Variants in USP6NL observed in about 807,000 individuals in gnomAD.
USP6NL encodes USP6 N-terminal like.
USP6NL carries 26 observed loss-of-function variants against 61.9 expected under a neutral mutation model. That is an observed-to-expected ratio of 0.42 (90% CI 0.31 to 0.58). USP6NL has a LOEUF of 0.58. Among genes scored for constraint, USP6NL ranks in the 20% least tolerant of loss-of-function variants. The probability of loss-of-function intolerance (pLI) is 0.16; values close to 1 mark genes in which losing one functional copy is unlikely to be tolerated. For missense variants in USP6NL, 1,114 were observed against 1,034.3 expected, an observed-to-expected ratio of 1.08 and a Z score of -1.06; for synonymous variants, 432 against 390.1, an observed-to-expected ratio of 1.11 and a Z score of -1.27.
Position 11,509,033 on chromosome 10 carries a change from G to A in USP6NL, c.276+562C>T, listed in dbSNP as rs540680964. On this transcript the variant is annotated intron_variant, in intron 6 of 14. Transcript: ENST00000609104. ...TGTTTAAAGACTTTTCTGATGAGAC[G>A]CATGGTGATATTAATATATGTATGT... is the stretch of plus-strand genomic sequence containing the variant. Among the ~76,000 whole-genome samples, 18 of 152,234 alleles carry A rather than the reference G, an allele frequency of 1.2e-4. No individual in the cohort carries two copies. The East Asian group carries it at 2.5e-3, about 21-fold the overall frequency.
At chr10:11,586,638 G>A (rs560673077) in intron 2 of USP6NL, among the ~76,000 whole-genome samples, 4 of 151,992 alleles carry the variant, frequency 2.6e-5, no homozygotes, top group African/African-American at 7.3e-5. Context: ...ACATAGTGAG[G>A]TTACCAGTAA....
chr10:11,515,819 C>A (rs1180261972), intron 5 of USP6NL, among the ~76,000 whole-genome samples: 1 of 152,078 alleles, frequency 6.6e-6, no homozygotes, highest in Non-Finnish European at 1.5e-5. Flanking sequence ...CAGAAGAAGA[C>A]AAGAAGTACA....
chr10:11,578,496 C>T (rs1837632049), intron 2 of USP6NL, among the ~76,000 whole-genome samples: 1 of 152,100 alleles, frequency 6.6e-6, no homozygotes, highest in Non-Finnish European at 1.5e-5. Flanking sequence ...TCAGGCTACT[C>T]AAGAGGCAAA....
intron 2 of USP6NL, among the ~76,000 whole-genome samples, chr10:11,571,418 T>C (rs1268875193): frequency 6.6e-6 from 1 of 152,156 alleles, no homozygotes; most frequent in African/African-American, 2.4e-5. Flanking sequence ...TCCTTGACTC[T>C]TACTTAGCAT....
intron 2 of USP6NL, among the ~76,000 whole-genome samples, chr10:11,541,349 T>C (rs1836062710): frequency 6.8e-6 from 1 of 147,832 alleles, no homozygotes; most frequent in South Asian, 2.2e-4. Context: ...GTAACCAGCA[T>C]TTATTCTGTA....
At chr10:11,606,475 T>A (rs1306465132) in intron 1 of USP6NL, among the ~76,000 whole-genome samples, 1 of 152,104 alleles carries the variant, frequency 6.6e-6, no homozygotes, top group Non-Finnish European at 1.5e-5. Flanking sequence ...CAGAAATACA[T>A]CTGTGGGGTT....
intron 2 of USP6NL, among the ~76,000 whole-genome samples, chr10:11,550,427 C>T (rs1380623797): frequency 1.3e-5 from 2 of 152,060 alleles, no homozygotes; most frequent in Non-Finnish European, 2.9e-5. Context: ...AAACAAGCAG[C>T]CTGTTTTTTG....
chr10:11,570,200 C>T (rs1437066017), intron 2 of USP6NL, among the ~76,000 whole-genome samples: 2 of 152,206 alleles, frequency 1.3e-5, no homozygotes, highest in South Asian at 4.1e-4. Flanking sequence ...CTTGAGGTTC[C>T]ATGAGCTTGT....
At chr10:11,554,855 A>G (rs917465273) in intron 2 of USP6NL, among the ~76,000 whole-genome samples, 4 of 146,916 alleles carry the variant, frequency 2.7e-5, no homozygotes, top group South Asian at 4.3e-4. Context: ...GCTGGAGTGC[A>G]GTGGTGCGAT....
intron 8 of USP6NL, 34 bp downstream of exon 8, chr10:11,493,085 C>T (rs964658914): frequency 1.8e-5 from 27 of 1,514,734 alleles, no homozygotes; most frequent in Middle Eastern, 1.7e-4. Flanking sequence ...TTTATAAATG[C>T]GATTAACATT....
In USP6NL at chr10:11,478,053, A is replaced by G. The variant is rs1833040377; in HGVS notation, c.1078+3717T>C. Reference sequence around the variant, plus strand: ...TTAGAAAACCTAAGATAACTGATCAAATATATTGGCTACAAAAATATTATT... The same window carrying G: ...TTAGAAAACCTAAGATAACTGATCAGATATATTGGCTACAAAAATATTATT... On this transcript the variant is annotated intron_variant, in intron 14 of 14. Coordinates refer to ENST00000609104, the MANE Select transcript of USP6NL (RefSeq NM_014688.5). The surrounding 1 kb of genome is among the most constrained non-coding windows in gnomAD (Gnocchi z 6.8). Among the ~76,000 whole-genome samples, 1 of 152,260 alleles carries G rather than the reference A, an allele frequency of 6.6e-6. No homozygotes were observed. Among genetic ancestry groups the G allele is most frequent in the South Asian group, 2.1e-4 (1 of 4,836 alleles).
At chr10:11,515,981 T>G (rs776297439) in intron 5 of USP6NL, among the ~76,000 whole-genome samples, 14 of 152,234 alleles carry the variant, frequency 9.2e-5, no homozygotes, top group Non-Finnish European at 1.6e-4. Context: ...TTGCACTACA[T>G]GAAGGGATAG....
At position 11,478,867 on chromosome 10, in the gene USP6NL, T is replaced by C. The variant is rs1401293847; in HGVS notation, c.1078+2903A>G. Reference sequence around the variant, plus strand: ...GCTGCACTGAGCCATGATTGAGCCATCACACTCCAGCCTAGGCAACAGAGT... The same window carrying C: ...GCTGCACTGAGCCATGATTGAGCCACCACACTCCAGCCTAGGCAACAGAGT... On this transcript the variant is annotated intron_variant, in intron 14 of 14. Coordinates refer to ENST00000609104, the MANE Select transcript of USP6NL (RefSeq NM_014688.5). This position sits in a 1 kb window ranked among gnomAD's most constrained non-coding sequence, Gnocchi z 6.8. Among the ~76,000 whole-genome samples the C allele has an allele frequency of 6.6e-6, 1 of 151,330 alleles. No homozygotes were observed. The highest frequency in any genetic ancestry group is 2.4e-5 in the African/African-American group (1 of 41,342).
Position 11,511,488 on chromosome 10 carries a change from T to C in USP6NL, c.196-1813A>G, listed in dbSNP as rs1034748561. On this transcript the variant is annotated intron_variant, in intron 5 of 14. Transcript: ENST00000609104. The surrounding 1 kb of genome is among the most constrained non-coding windows in gnomAD (Gnocchi z 4.9). ...CTCCCCTGACTTCTTCAAAGCATAA[T>C]CCTTTTTTCCACCAACAGGAAAACA... Among the ~76,000 whole-genome samples the C allele has an allele frequency of 2.6e-5, 4 of 152,172 alleles. No homozygotes were observed. Among genetic ancestry groups the C allele is most frequent in the African/African-American group, 7.2e-5 (3 of 41,444 alleles).
In USP6NL at chr10:11,465,118, T is replaced by G. The variant is rs1373472777; in HGVS notation, c.1079-1269A>C. Among the ~76,000 whole-genome samples the G allele has an allele frequency of 6.6e-6, 1 of 152,172 alleles. No individual in the cohort carries two copies. The highest frequency in any genetic ancestry group is 1.5e-5 in the Non-Finnish European group (1 of 68,020). On this transcript the variant is annotated intron_variant, in intron 14 of 14. Transcript: ENST00000609104. This position sits in a 1 kb window ranked among gnomAD's most constrained non-coding sequence, Gnocchi z 4.5. Reference sequence around the variant, plus strand: ...AGGCAAATAATCCCAACAAACACAATTTATCAAGAAGATATAAAGACATGA... The same window carrying G: ...AGGCAAATAATCCCAACAAACACAAGTTATCAAGAAGATATAAAGACATGA...
intron 1 of USP6NL, among the ~76,000 whole-genome samples, chr10:11,599,103 T>TA (rs1459768977): frequency 1.3e-5 from 2 of 152,232 alleles, no homozygotes; most frequent in African/African-American, 4.8e-5. Context: ...TCACAAGAAA[T>TA]ATACTTTCTT....
At chr10:11,494,060 G>T (rs1201384949) in intron 7 of USP6NL, among the ~76,000 whole-genome samples, 1 of 152,200 alleles carries the variant, frequency 6.6e-6, no homozygotes, top group Non-Finnish European at 1.5e-5. Flanking sequence ...CCTGTGAAAG[G>T]CTATATGGAA....
intron 2 of USP6NL, among the ~76,000 whole-genome samples, chr10:11,549,610 A>T (rs938568500): frequency 6.6e-6 from 1 of 152,122 alleles, no homozygotes; most frequent in Non-Finnish European, 1.5e-5. Flanking sequence ...TTTCTTTCTC[A>T]TGAGTATAAG....
At chr10:11,546,130 G>T (rs1182386542) in intron 2 of USP6NL, among the ~76,000 whole-genome samples, 1 of 152,190 alleles carries the variant, frequency 6.6e-6, no homozygotes, top group Non-Finnish European at 1.5e-5. Flanking sequence ...TTTAAGTACT[G>T]AGAAACAGTT....
Sources: allele counts gnomAD v4.1 joint callset (sites outside exome capture counted in the v4.1 genomes callset), GRCh38; gene constraint gnomAD v4.1.1; non-coding constraint Gnocchi (gnomAD v3.1); transcripts MANE v1.5; gene names NCBI Gene and HGNC (gene_info 2026-07-23, HGNC 2026-07-21).